ASB16: variants seen among roughly 807,000 people sequenced by gnomAD.
ASB16 encodes the protein ankyrin repeat and SOCS box protein 16.
A neutral mutation model predicts 39.1 loss-of-function variants in ASB16; 44 were observed. That is an observed-to-expected ratio of 1.13 (90% CI 0.88 to 1.45). The LOEUF is 1.45. Among genes scored for constraint, ASB16 ranks in the 40% most tolerant of loss-of-function variants. ASB16 has a pLI of 0.00. For missense variants in ASB16, 698 were observed against 634.5 expected, an observed-to-expected ratio of 1.10 and a Z score of -1.07; for synonymous variants, 305 against 286.7, an observed-to-expected ratio of 1.06 and a Z score of -0.64.
rs1189048367 is a variant in ASB16 at position 44,178,246 on chromosome 17, C to G, written c.1218C>G (p.Asn406Lys). The change falls in exon 5 of 5, where the codon AAC becomes AAG. Residue 406 changes from asparagine (N) to lysine (K), a missense_variant. Asn to Lys is a moderately conservative substitution (Grantham distance 94). Transcript: ENST00000293414. ...AFYSSALCMVNQPRQLQHLAR... is the reference protein window; with the variant it reads ...AFYSSALCMVKQPRQLQHLAR... ...ACAGCTCGGCCCTGTGCATGGTGAA[C>G]CAGCCAAGGCAGCTGCAGCACCTGG... is the stretch of plus-strand genomic sequence containing the variant. 6 of 1,613,436 alleles carry G rather than the reference C, an allele frequency of 3.7e-6. No individual in the cohort carries two copies. The highest frequency in any genetic ancestry group is 2.2e-5 in the East Asian group (1 of 44,892).
chr17:44,173,533 A>G (rs2054260232), intron 2 of ASB16, among the ~76,000 whole-genome samples: 1 of 151,848 alleles, frequency 6.6e-6, no homozygotes, highest in African/African-American at 2.4e-5. Flanking sequence ...TGTCTCTACT[A>G]AAAATAAAAA....
intron 3 of ASB16, 170 bp downstream of exon 3, chr17:44,177,400 C>A: frequency 8.4e-7 from 1 of 1,191,178 alleles, no homozygotes; most frequent in Middle Eastern, 2.9e-4. Context: ...GAGAGAGAGT[C>A]CAAGGGAGGG....
chr17:44,171,375 C>T (rs2054241592), intron 1 of ASB16, among the ~76,000 whole-genome samples: 1 of 151,936 alleles, frequency 6.6e-6, no homozygotes, highest in Non-Finnish European at 1.5e-5. Flanking sequence ...ACCAGCCTGA[C>T]CAACATGGTA....
intron 1 of ASB16, among the ~76,000 whole-genome samples, chr17:44,171,737 C>T (rs928195108): frequency 1.3e-5 from 2 of 152,044 alleles, no homozygotes; most frequent in African/African-American, 4.8e-5. Flanking sequence ...TTCAAAGACG[C>T]TGAGATTTCC....
In ASB16 at chr17:44,170,727, T is replaced by C. The variant is rs1483386792; in HGVS notation, c.-63T>C. 2 of 1,507,088 alleles carry C rather than the reference T, an allele frequency of 1.3e-6. No individual in the cohort carries two copies. Among genetic ancestry groups the C allele is most frequent in the Non-Finnish European group, 1.8e-6 (2 of 1,122,396 alleles). 93.4% of individuals were successfully genotyped at this position (1,507,088 alleles called of 1,614,324 possible). The stretch of plus-strand genomic sequence containing the variant: ...GGGTGGCTCCTCAGAGCAAGGGAGG[T>C]AGTCGGGTCGAGGGAACCTGGCTCT... On this transcript the variant is annotated 5_prime_UTR_variant, in exon 1 of 5. Transcript: ENST00000293414.
intron 4 of ASB16, 110 bp downstream of exon 4, chr17:44,177,832 G>T: frequency 6.9e-7 from 1 of 1,455,494 alleles, no homozygotes; most frequent in South Asian, 1.4e-5. Flanking sequence ...TAGAGAGGAT[G>T]GGTAGAGTGG....
chr17:44,176,539 A>G, intron 2 of ASB16, 199 bp from the exon 3 acceptor site: 1 of 787,460 alleles, frequency 1.3e-6, no homozygotes, highest in African/African-American at 1.7e-5. Flanking sequence ...AGTTTTTCAT[A>G]TGAAAACTGA....
chr17:44,174,896 G>A (rs1366448340), intron 2 of ASB16, among the ~76,000 whole-genome samples: 1 of 152,010 alleles, frequency 6.6e-6, no homozygotes, highest in African/African-American at 2.4e-5. Flanking sequence ...GAGGTCAGGA[G>A]ATCAAGACCA....
At position 44,176,922 on chromosome 17, in the gene ASB16, G is replaced by A. The variant is rs777379847; in HGVS notation, c.754G>A (p.Ala252Thr). Residue 252 changes from alanine (A) to threonine (T), a missense_variant, in exon 3 of 5, where the codon GCT becomes ACT. Ala to Thr is a moderately conservative substitution (Grantham distance 58). Coordinates refer to ENST00000293414, the MANE Select transcript of ASB16 (RefSeq NM_080863.5). ...QGETALNTAC[A>T]GAEGPGSCRR... Reference sequence around the variant, plus strand: ...CGAGACTGCGCTGAACACGGCGTGCGCTGGGGCCGAGGGCCCAGGTAGCTG... The same window carrying A: ...CGAGACTGCGCTGAACACGGCGTGCACTGGGGCCGAGGGCCCAGGTAGCTG... The A allele has an allele frequency of 5.2e-6, 8 of 1,549,830 alleles. No homozygotes were observed. The highest frequency in any genetic ancestry group is 1.2e-5 in the South Asian group (1 of 85,464).
chr17:44,175,980 T>A (rs1020486179), intron 2 of ASB16: 1 of 152,170 alleles, frequency 6.6e-6, no homozygotes, highest in Non-Finnish European at 1.5e-5. Flanking sequence ...GTATTTATTT[T>A]TTTTTGGTGC....
chr17:44,171,080 G>A lies in ASB16; in HGVS notation c.291G>A (p.Ser97=), dbSNP rs770877352. Residue 97 remains serine, a synonymous_variant, in exon 1 of 5, where the codon TCG becomes TCA. Coordinates refer to ENST00000293414, the MANE Select transcript of ASB16 (RefSeq NM_080863.5). ...CTGTGAGCAACCAGCTGGCCTGGTCGGCTGAACAGGGTAGGGGGCACCAGA... is the reference window on the plus strand; with the variant it reads ...CTGTGAGCAACCAGCTGGCCTGGTCAGCTGAACAGGGTAGGGGGCACCAGA... ...VETVSNQLAW[S]AEQGFWVLTP... 7 of 1,613,486 alleles carry A rather than the reference G, an allele frequency of 4.3e-6. No homozygotes were observed. The highest frequency in any genetic ancestry group is 5.9e-6 in the Non-Finnish European group (7 of 1,179,792).
chr17:44,172,394 G>C, intron 2 of ASB16, 81 bp downstream of exon 2: 1 of 1,515,172 alleles, frequency 6.6e-7, no homozygotes, highest in Non-Finnish European at 8.9e-7. Context: ...GAGGGAACCT[G>C]ACAACCACAT....
intron 3 of ASB16, 35 bp downstream of exon 3, chr17:44,177,265 T>G: frequency 6.7e-7 from 1 of 1,501,116 alleles, no homozygotes; most frequent in South Asian, 1.3e-5. Context: ...GAGGCTCCTG[T>G]GTGGGGGAGC....
rs1443565570 is a variant in ASB16 at position 44,178,236 on chromosome 17, G to C, written c.1208G>C (p.Cys403Ser). The C allele has an allele frequency of 2.5e-5, 40 of 1,613,358 alleles. No homozygotes were observed. The highest frequency in any genetic ancestry group is 3.2e-5 in the Non-Finnish European group (38 of 1,180,010). The change falls in exon 5 of 5, where the codon TGC becomes TCC. Residue 403 changes from cysteine to serine, a missense_variant. Physicochemically the swap from Cys to Ser is moderately radical, Grantham distance 112 (BLOSUM62 -1). Transcript: ENST00000293414. ...EHEAFYSSALCMVNQPRQLQH... is the reference protein window; with the variant it reads ...EHEAFYSSALSMVNQPRQLQH... ...GAAGCCTTCTACAGCTCGGCCCTGT[G>C]CATGGTGAACCAGCCAAGGCAGCTG...
intron 3 of ASB16, 117 bp downstream of exon 3, chr17:44,177,347 C>A (rs2054313239): frequency 1.5e-6 from 2 of 1,375,274 alleles, no homozygotes; most frequent in Admixed American, 2.9e-5. Context: ...CCTCAGTGGC[C>A]AGGGGGCTGT....
intron 1 of ASB16, 119 bp from the exon 2 acceptor site, chr17:44,171,927 G>A (rs2054245816): frequency 9.5e-7 from 1 of 1,056,056 alleles, no homozygotes; most frequent in Non-Finnish European, 1.4e-6. Context: ...GGCAGTGTTT[G>A]TGCTCAGCAA....
chr17:44,176,698 C>T (rs775059036), intron 2 of ASB16, 40 bp from the exon 3 acceptor site: 1 of 1,613,740 alleles, frequency 6.2e-7, no homozygotes, highest in Non-Finnish European at 8.5e-7. Context: ...GGTCCCAAGC[C>T]TTCAGGATTT....
At chr17:44,176,406 C>T (rs2054290626) in intron 2 of ASB16, 1 of 402,622 alleles carries the variant, frequency 2.5e-6, no homozygotes, top group African/African-American at 2.1e-5. Context: ...TGATTCAGAA[C>T]CAGACCTTGG....
At chr17:44,171,259 G>C (rs1208489303) in intron 1 of ASB16, among the ~76,000 whole-genome samples, 169 bp downstream of exon 1, 3 of 152,132 alleles carry the variant, frequency 2.0e-5, no homozygotes, top group African/African-American at 7.2e-5. Flanking sequence ...TTAGCAGTCT[G>C]TATGTCTTTT....
Sources: gnomAD v4.1 joint callset for allele counts (sites outside exome capture counted in the v4.1 genomes callset) on GRCh38, gnomAD v4.1.1 for gene constraint, MANE v1.5 for transcripts, NCBI Gene and HGNC (gene_info 2026-07-23, HGNC 2026-07-21) for gene names.